Variants in DUSP22 observed in about 807,000 individuals in gnomAD.
DUSP22 encodes dual specificity protein phosphatase 22.
A neutral mutation model predicts 24.5 loss-of-function variants in DUSP22; 24 were observed. That is an observed-to-expected ratio of 0.98 (90% CI 0.71 to 1.38). DUSP22 has a LOEUF of 1.38. DUSP22 is among the 40% of genes most tolerant of loss of function. The pLI, the probability that DUSP22 is intolerant of heterozygous loss-of-function variation, is 0.00. For synonymous variants in DUSP22, 160 were observed against 106.4 expected (o/e 1.50, Z -3.10); for missense variants, 330 against 269.2 (o/e 1.23, Z -1.58).
chr6:345,956 C>T (rs1272069719), intron 5 of DUSP22, 28 bp downstream of exon 5: 2 of 1,613,420 alleles, frequency 1.2e-6, no homozygotes, highest in Non-Finnish European at 1.7e-6. Context: ...TTAATAGCGC[C>T]TTAGCGTATT....
chr6:350,939 A>C lies in DUSP22; in HGVS notation c.*1988A>C. 1 of 1,586,232 alleles carries C rather than the reference A, an allele frequency of 6.3e-7. No homozygotes were observed. Among genetic ancestry groups the C allele is most frequent in the South Asian group, 1.1e-5 (1 of 89,680 alleles). ...TGGTGCTGCCAAAAAGAAAAGCAAC[A>C]TAGAGTTTAAGTATCCAGTAGTGAT... is the stretch of plus-strand genomic sequence containing the variant. On this transcript the variant is annotated 3_prime_UTR_variant, in exon 7 of 7. Transcript: ENST00000419235.
chr6:318,709 C>T (rs1278679314), intron 3 of DUSP22, among the ~76,000 whole-genome samples: 2 of 152,310 alleles, frequency 1.3e-5, no homozygotes, highest in African/African-American at 4.8e-5. Context: ...CCCCCAAAGC[C>T]ACACATCTCA....
chr6:330,844 C>A (rs1225236358), intron 3 of DUSP22, among the ~76,000 whole-genome samples: 1 of 152,302 alleles, frequency 6.6e-6, no homozygotes, highest in Non-Finnish European at 1.5e-5. Context: ...TGCCTCTTTG[C>A]AGCATCTTCC....
At chr6:340,781 C>T (rs1301435760) in intron 4 of DUSP22, among the ~76,000 whole-genome samples, 2 of 152,302 alleles carry the variant, frequency 1.3e-5, no homozygotes, top group African/African-American at 2.4e-5. Context: ...GATCTCTGGG[C>T]TCCCACTCCA....
intron 1 of DUSP22, among the ~76,000 whole-genome samples, chr6:293,797 C>CTTTTTTTTT (rs11436850): frequency 1.6e-5 from 2 of 123,686 alleles, no homozygotes; most frequent in South Asian, 2.4e-4. Context: ...ATTGTATTCA[C>CTTTTTTTTT]TTTTTTTTTT....
intron 3 of DUSP22, among the ~76,000 whole-genome samples, chr6:330,635 T>C (rs889794864): frequency 6.6e-6 from 1 of 152,300 alleles, no homozygotes; most frequent in Admixed American, 6.5e-5. Flanking sequence ...GTGGTTACTA[T>C]ACTTGTTGAA....
intron 4 of DUSP22, among the ~76,000 whole-genome samples, chr6:337,736 C>T (rs1400879145): frequency 2.6e-5 from 4 of 152,302 alleles, no homozygotes; most frequent in East Asian, 1.9e-4. Flanking sequence ...GAATAGTGAA[C>T]GTTTTACTCT....
intron 3 of DUSP22, among the ~76,000 whole-genome samples, chr6:328,349 G>A (rs572453997): frequency 3.3e-4 from 51 of 152,390 alleles, no homozygotes; most frequent in African/African-American, 9.9e-4. Flanking sequence ...AACCCAGCCC[G>A]TACTGGCTGG....
chr6:322,128 G>C (rs1662773992), intron 3 of DUSP22, among the ~76,000 whole-genome samples: 1 of 152,292 alleles, frequency 6.6e-6, no homozygotes, highest in African/African-American at 2.4e-5. Context: ...TATCTACATA[G>C]TGTATACATA....
rs1209616274 is a variant in DUSP22, at chr6:350,854, C to T, written c.*1903C>T. On this transcript the variant is annotated 3_prime_UTR_variant, in exon 7 of 7. Coordinates refer to ENST00000419235, the MANE Select transcript of DUSP22 (RefSeq NM_001286555.3). ...GGGAATTCTGAAGTTCTGGGCCTTT[C>T]TCAGAAGACTGTAATGTACCTGAAG... is the stretch of plus-strand genomic sequence containing the variant. 6 of 1,614,270 alleles carry T rather than the reference C, an allele frequency of 3.7e-6. No homozygotes were observed. The highest frequency in any genetic ancestry group is 2.7e-5 in the African/African-American group (2 of 75,088).
At chr6:341,532 C>G (rs1465827412) in intron 4 of DUSP22, among the ~76,000 whole-genome samples, 1 of 152,306 alleles carries the variant, frequency 6.6e-6, no homozygotes, top group East Asian at 1.9e-4. Context: ...CTGGGCTTTT[C>G]TTGGAAAAGG....
At chr6:311,611 C>T (rs368265777) in intron 2 of DUSP22, among the ~76,000 whole-genome samples, 2,361 of 151,216 alleles carry the variant, frequency 0.016, no homozygotes, top group African/African-American at 0.056. Flanking sequence ...ACCCGGGAGG[C>T]GGAGCTTGCA....
At chr6:327,152 TGA>T (rs1180550301) in intron 3 of DUSP22, among the ~76,000 whole-genome samples, 6 of 152,308 alleles carry the variant, frequency 3.9e-5, no homozygotes, top group Admixed American at 2.6e-4. Context: ...GGAGCATTAC[TGA>T]GAGGAAACTA....
intron 3 of DUSP22, among the ~76,000 whole-genome samples, chr6:332,487 G>C (rs1336945107): frequency 6.6e-6 from 1 of 152,308 alleles, no homozygotes; most frequent in Non-Finnish European, 1.5e-5. Flanking sequence ...GGACCAGCCT[G>C]AGTTGGTCCT....
chr6:296,463 C>G (rs1757333449), intron 1 of DUSP22, among the ~76,000 whole-genome samples: 1 of 152,306 alleles, frequency 6.6e-6, no homozygotes, highest in African/African-American at 2.4e-5. Context: ...CCTCACCACG[C>G]TGCTAAGATA....
At position 349,592 on chromosome 6, in the gene DUSP22, C is replaced by A. The variant is rs996692735; in HGVS notation, c.*641C>A. On this transcript the variant is annotated 3_prime_UTR_variant, in exon 7 of 7. Coordinates refer to ENST00000419235, the MANE Select transcript of DUSP22 (RefSeq NM_001286555.3). Reference sequence around the variant, plus strand: ...TGGTGGGGGCAACAGGGGCCAGACTCCTCTAGAGGGAGGGTGGCTCTGGGG... The same window carrying A: ...TGGTGGGGGCAACAGGGGCCAGACTACTCTAGAGGGAGGGTGGCTCTGGGG... 1.0e-6 allele frequency: 1 copy of A among 988,084 alleles called. No homozygotes were observed. The highest frequency in any genetic ancestry group is 4.7e-5 in the South Asian group (1 of 21,380). 61.2% of individuals were successfully genotyped at this position (988,084 alleles called of 1,614,324 possible).
At chr6:323,983 G>A (rs1254249262) in intron 3 of DUSP22, among the ~76,000 whole-genome samples, 1 of 152,306 alleles carries the variant, frequency 6.6e-6, no homozygotes, top group African/African-American at 2.4e-5. Flanking sequence ...TCCACCCTAT[G>A]CCCTGAAGAA....
intron 4 of DUSP22, among the ~76,000 whole-genome samples, chr6:343,775 T>C (rs1455258261): frequency 8.6e-6 from 1 of 116,162 alleles, no homozygotes; most frequent in Non-Finnish European, 1.8e-5. Flanking sequence ...TGCCGTGAGG[T>C]CGCTGAGTTT....
At chr6:347,802 T>C (rs1759952817) in intron 5 of DUSP22, among the ~76,000 whole-genome samples, 1 of 152,288 alleles carries the variant, frequency 6.6e-6, no homozygotes. Context: ...TCCGGGGAAA[T>C]GGGAAAGACC....
Sources: allele counts gnomAD v4.1 joint callset (sites outside exome capture counted in the v4.1 genomes callset), GRCh38; gene constraint gnomAD v4.1.1; transcripts MANE v1.5; gene names NCBI Gene and HGNC (gene_info 2026-07-23, HGNC 2026-07-21).